Variants in EPHA4 observed in about 807,000 individuals in gnomAD.
EPHA4 encodes EPH receptor A4.
In EPHA4, 19 loss-of-function variants were observed where a neutral mutation model predicts 108.3. That is an observed-to-expected ratio of 0.18 (90% CI 0.12 to 0.26). The LOEUF (loss-of-function observed/expected upper bound fraction) is 0.26. EPHA4 is among the 10% of genes least tolerant of loss of function. The pLI is 1.00. For synonymous variants in EPHA4, 449 were observed against 455.5 expected (o/e 0.99, Z 0.18); for missense variants, 917 against 1,254.0 (o/e 0.73, Z 4.06).
intron 3 of EPHA4, among the ~76,000 whole-genome samples, chr2:221,508,856 T>G (rs1692717058): frequency 1.3e-5 from 2 of 151,934 alleles, no homozygotes; most frequent in South Asian, 4.2e-4. Context: ...AAGTAAGTAG[T>G]TATCCTCTCA....
chr2:221,422,452 C>G (rs1241846016), intron 17 of EPHA4, among the ~76,000 whole-genome samples: 1 of 152,172 alleles, frequency 6.6e-6, no homozygotes, highest in Non-Finnish European at 1.5e-5. Flanking sequence ...TCTGCCAATT[C>G]CTTCTCCACT....
chr2:221,534,988 T>G (rs1329060777), intron 3 of EPHA4, among the ~76,000 whole-genome samples: 2 of 152,246 alleles, frequency 1.3e-5, no homozygotes, highest in African/African-American at 2.4e-5. Flanking sequence ...TCATCGGCAA[T>G]TCGGGGTGCA....
chr2:221,545,935 G>C (rs1230330678), intron 3 of EPHA4, among the ~76,000 whole-genome samples: 3 of 152,202 alleles, frequency 2.0e-5, no homozygotes, highest in Non-Finnish European at 1.5e-5. Context: ...AAAGTCAACT[G>C]CTGTTCAACA....
At chr2:221,455,416 G>C (rs151148383) in intron 8 of EPHA4, 131 bp downstream of exon 8, 1 of 691,942 alleles carries the variant, frequency 1.4e-6, no homozygotes, top group Non-Finnish European at 2.5e-6. Context: ...AAAGCAACAA[G>C]GAGGAAACTT....
rs189190149 is a variant in EPHA4, at chr2:221,570,576, A to G, written c.91+1582T>C. ...GCGAGAGAGGGCCCCTTTCCTCCCA[A>G]GCGATGTCTGTGGGCAGGTGTATAA... On this transcript the variant is annotated intron_variant, in intron 1 of 17. Coordinates refer to ENST00000281821, the MANE Select transcript of EPHA4 (RefSeq NM_004438.5). Among the ~76,000 whole-genome samples, 711 of 152,250 alleles carry G rather than the reference A, an allele frequency of 4.7e-3. 5 individuals are homozygous for G. Among genetic ancestry groups the G allele is most frequent in the African/African-American group, 0.016 (657 of 41,548 alleles).
intron 4 of EPHA4, among the ~76,000 whole-genome samples, chr2:221,490,595 T>C (rs986156288): frequency 1.3e-5 from 2 of 152,178 alleles, no homozygotes; most frequent in African/African-American, 4.8e-5. Context: ...CTTGGGTCTG[T>C]AGTTCCATTT....
intron 3 of EPHA4, among the ~76,000 whole-genome samples, chr2:221,537,802 G>A (rs1359402148): frequency 1.3e-5 from 2 of 151,974 alleles, no homozygotes; most frequent in Non-Finnish European, 2.9e-5. Context: ...AGAAGAAGAA[G>A]AAAGAAGGAA....
chr2:221,534,068 G>C (rs1006082209), intron 3 of EPHA4, among the ~76,000 whole-genome samples: 1 of 152,168 alleles, frequency 6.6e-6, no homozygotes. Context: ...TTAATCTGTT[G>C]AATCTAGGTA....
intron 4 of EPHA4, 117 bp downstream of exon 4, chr2:221,500,900 T>C (rs1692466736): frequency 1.8e-6 from 2 of 1,104,726 alleles, no homozygotes; most frequent in African/African-American, 3.2e-5. Flanking sequence ...AAAGGATGAA[T>C]GTTTGATCTC....
At chr2:221,532,319 C>T (rs1245026434) in intron 3 of EPHA4, among the ~76,000 whole-genome samples, 1 of 152,052 alleles carries the variant, frequency 6.6e-6, no homozygotes, top group Non-Finnish European at 1.5e-5. Flanking sequence ...GACGGGGTTT[C>T]ACCATAATGG....
chr2:221,444,681 G>A (rs1690532721), intron 9 of EPHA4, among the ~76,000 whole-genome samples: 1 of 149,534 alleles, frequency 6.7e-6, no homozygotes, highest in Non-Finnish European at 1.5e-5. Context: ...CACTTTATAT[G>A]CTATAGCCAA....
intron 3 of EPHA4, among the ~76,000 whole-genome samples, chr2:221,550,432 A>AGAGAGAGAGAGAG: frequency 6.6e-6 from 1 of 150,562 alleles, no homozygotes; most frequent in Non-Finnish European, 1.5e-5. Flanking sequence ...AGAGAGAGAG[A>AGAGAGAGAGAGAG]GAGAGAGAGA....
Position 221,564,033 on chromosome 2 carries a change from C to T in EPHA4, c.521G>A (p.Gly174Glu), listed in dbSNP as rs1694551025. The part of the protein sequence containing the change: ...MKLNTEIRDV[G>E]PLSKKGFYLA... ...GTAAAACCCCTTTTTGCTTAATGGC[C>T]CTACATCCCGGATCTCGGTGTTCAG... Residue 174 changes from glycine to glutamate, a missense_variant, in exon 3 of 18, where the codon GGG (glycine) becomes GAG (glutamate). By Grantham distance (98) the Gly-to-Glu change is moderately conservative. Transcript: ENST00000281821. 1.2e-6 allele frequency: 2 copies of T among 1,613,894 alleles called. No homozygotes were observed. The highest frequency in any genetic ancestry group is 2.7e-5 in the African/African-American group (2 of 74,890).
intron 7 of EPHA4, among the ~76,000 whole-genome samples, chr2:221,456,162 A>T (rs906047822): frequency 6.7e-6 from 1 of 150,070 alleles, no homozygotes; most frequent in African/African-American, 2.5e-5. Context: ...ATGTTTGTCC[A>T]AAGGGTCTTT....
At chr2:221,469,846 C>T (rs1691424214) in intron 5 of EPHA4, among the ~76,000 whole-genome samples, 1 of 152,124 alleles carries the variant, frequency 6.6e-6, no homozygotes, top group Admixed American at 6.6e-5. Flanking sequence ...TCCAAGCCAT[C>T]CAATTCTCCA....
intron 7 of EPHA4, 39 bp downstream of exon 7, chr2:221,456,574 T>C (rs1559248793): frequency 1.3e-6 from 2 of 1,597,988 alleles, no homozygotes; most frequent in Admixed American, 1.7e-5. Context: ...ATTATAAAAA[T>C]AGCCTCAGAA....
intron 3 of EPHA4, among the ~76,000 whole-genome samples, chr2:221,547,991 A>G (rs1294172439): frequency 1.3e-5 from 2 of 152,126 alleles, no homozygotes; most frequent in Non-Finnish European, 2.9e-5. Context: ...ATCTTCTTCA[A>G]TTTGTGTTTA....
At chr2:221,490,509 T>C (rs1417859350) in intron 4 of EPHA4, among the ~76,000 whole-genome samples, 2 of 152,196 alleles carry the variant, frequency 1.3e-5, no homozygotes, top group South Asian at 2.1e-4. Context: ...CCATGATCGA[T>C]GTATTTAAGC....
chr2:221,443,666 A>G lies in EPHA4; in HGVS notation c.1775-60T>C, dbSNP rs1690502021. On this transcript the variant is annotated intron_variant, in intron 9 of 17. Coordinates refer to ENST00000281821, the MANE Select transcript of EPHA4 (RefSeq NM_004438.5). ...TCTAAGGAACCACTAATAAACATAA[A>G]TAGTCTGGGTCTAAAATTACCAAAC... 1.1e-5 allele frequency: 13 copies of G among 1,228,766 alleles called. No individual in the cohort carries two copies. The South Asian group carries it at 1.2e-4, about 11-fold the overall frequency. 76.1% of individuals were successfully genotyped at this position (1,228,766 alleles called of 1,614,324 possible).
Sources: gnomAD v4.1 joint callset for allele counts (sites outside exome capture counted in the v4.1 genomes callset) on GRCh38, gnomAD v4.1.1 for gene constraint, MANE v1.5 for transcripts, NCBI Gene and HGNC (gene_info 2026-07-23, HGNC 2026-07-21) for gene names.